The following BCL11A variants were observed in gnomAD, a reference collection of about 807,000 sequenced individuals.
BCL11A encodes B cell CLL/lymphoma 11A.
A neutral mutation model predicts 55.9 loss-of-function variants in BCL11A; 2 were observed. The observed-to-expected ratio is 0.04, with a 90% CI of 0.01 to 0.11. The LOEUF (loss-of-function observed/expected upper bound fraction) is 0.11. BCL11A is among the 10% of genes least tolerant of loss of function. The probability of loss-of-function intolerance (pLI) is 1.00; values close to 1 mark genes in which losing one functional copy is unlikely to be tolerated. For synonymous variants in BCL11A, 465 were observed against 473.4 expected, an observed-to-expected ratio of 0.98 and a Z score of 0.23; for missense variants, 817 against 1,137.1, an observed-to-expected ratio of 0.72 and a Z score of 4.05.
chr2:60,457,674 T>G lies in BCL11A; in HGVS notation c.*2730A>C, dbSNP rs1194612363. 71 of 1,035,524 alleles carry G rather than the reference T, an allele frequency of 6.9e-5. No individual in the cohort carries two copies. Among genetic ancestry groups the G allele is most frequent in the Non-Finnish European group, 7.9e-5 (68 of 860,290 alleles). The allele number at this position is 1,035,524 out of a possible 1,614,324, so 64.1% of individuals were successfully genotyped here. Reference sequence around the variant, plus strand: ...GAAAAAAACTGCAAAACATTGGTTTTTTTTTTTTTTTCCTTTTTTTTTCTT... The same window carrying G: ...GAAAAAAACTGCAAAACATTGGTTTGTTTTTTTTTTTCCTTTTTTTTTCTT... On this transcript the variant is annotated 3_prime_UTR_variant, in exon 4 of 4. Coordinates refer to ENST00000642384, the MANE Select transcript of BCL11A (RefSeq NM_022893.4).
chr2:60,539,520 G>A (rs1669826072), intron 2 of BCL11A, among the ~76,000 whole-genome samples: 1 of 152,292 alleles, frequency 6.6e-6, no homozygotes, highest in African/African-American at 2.4e-5. Flanking sequence ...CAGCTGGCCA[G>A]TAAAAAGCAG....
intron 2 of BCL11A, among the ~76,000 whole-genome samples, chr2:60,485,939 G>T (rs998359039): frequency 6.6e-6 from 1 of 152,184 alleles, no homozygotes; most frequent in African/African-American, 2.4e-5. Flanking sequence ...GAATGAGATT[G>T]CACATTTTAG....
downstream of BCL11A, among the ~76,000 whole-genome samples, chr2:60,454,610 TA>T (rs1262850621): frequency 1.3e-5 from 2 of 152,100 alleles, no homozygotes; most frequent in Non-Finnish European, 2.9e-5. Context: ...AAAAGAGGCT[TA>T]AAACAAGAAA....
intron 2 of BCL11A, among the ~76,000 whole-genome samples, chr2:60,501,245 T>C (rs1679260169): frequency 6.6e-6 from 1 of 152,228 alleles, no homozygotes; most frequent in South Asian, 2.1e-4. Flanking sequence ...TCCAAACCTG[T>C]AGTGCTACTT....
intron 2 of BCL11A, chr2:60,541,937 T>C: frequency 5.7e-6 from 4 of 701,990 alleles, no homozygotes; most frequent in South Asian, 1.6e-5. Context: ...TAGGAGAGAA[T>C]CAGAATGGAT....
chr2:60,526,290 T>A (rs1669197475), intron 2 of BCL11A: 1 of 152,220 alleles, frequency 6.6e-6, no homozygotes, highest in South Asian at 2.1e-4. Flanking sequence ...TTTTAAATAG[T>A]TTTCATCTTT....
At chr2:60,454,040 GAGAA>G (rs1001365856), downstream of BCL11A, among the ~76,000 whole-genome samples, 2 of 152,114 alleles carry the variant, frequency 1.3e-5, no homozygotes, top group South Asian at 2.1e-4. Flanking sequence ...AATAGAGAGA[GAGAA>G]AGAGAGAGAG....
At chr2:60,485,183 T>G (rs1678200948) in intron 2 of BCL11A, among the ~76,000 whole-genome samples, 1 of 152,184 alleles carries the variant, frequency 6.6e-6, no homozygotes. Flanking sequence ...TCACTGCAAA[T>G]AAATGCAGTC....
intron 2 of BCL11A, among the ~76,000 whole-genome samples, chr2:60,492,697 T>C (rs1678710214): frequency 6.6e-6 from 1 of 152,160 alleles, no homozygotes; most frequent in Non-Finnish European, 1.5e-5. Flanking sequence ...CTCATTTCCC[T>C]GAAATGTACT....
Position 60,478,815 on chromosome 2 carries a change from C to T in BCL11A, c.386-9982G>A, listed in dbSNP as rs540102274. Reference sequence around the variant, plus strand: ...GCAAGTCCTTCTTTCAGAAAACAGGCCTCTGCCCGGGGCATGCTGCAGCTG... The same window carrying T: ...GCAAGTCCTTCTTTCAGAAAACAGGTCTCTGCCCGGGGCATGCTGCAGCTG... On this transcript the variant is annotated intron_variant, in intron 2 of 3. Transcript: ENST00000642384. Among the ~76,000 whole-genome samples, 9 of 152,364 alleles carry T rather than the reference C, an allele frequency of 5.9e-5. No individual in the cohort carries two copies. The East Asian group carries it at 7.7e-4, about 13-fold the overall frequency.
rs533392448 is a variant in BCL11A, at chr2:60,553,183, A to G, written c.55+33T>C. 3.2e-6 allele frequency: 5 copies of G among 1,584,682 alleles called. No individual in the cohort carries two copies. In the Admixed American group the frequency reaches 8.6e-5, roughly 27 times the overall value. ...AGTCCTGCGCGCTCTCGTGATTATT[A>G]ATAATTATTATTACTATTATTGGGT... On this transcript the variant is annotated intron_variant, in intron 1 of 3. Transcript: ENST00000642384.
chr2:60,535,344 T>C (rs1227433280), intron 2 of BCL11A: 1 of 152,202 alleles, frequency 6.6e-6, no homozygotes, highest in African/African-American at 2.4e-5. Flanking sequence ...ATAGAGCTTC[T>C]AGTCAAGCCA....
In BCL11A at chr2:60,458,545, C is replaced by T; in HGVS notation, c.*1859G>A. On this transcript the variant is annotated 3_prime_UTR_variant, in exon 4 of 4. Coordinates refer to ENST00000642384, the MANE Select transcript of BCL11A (RefSeq NM_022893.4). ...GTGTATTCTGTTTCCATTCACAGCGCTTGCAATGTTGCGTCCAAGTAAGTA... is the reference window on the plus strand; with the variant it reads ...GTGTATTCTGTTTCCATTCACAGCGTTTGCAATGTTGCGTCCAAGTAAGTA... The T allele has an allele frequency of 9.6e-7, 1 of 1,037,838 alleles. No individual in the cohort carries two copies. Among genetic ancestry groups the T allele is most frequent in the African/African-American group, 1.7e-5 (1 of 59,552 alleles). The allele number at this position is 1,037,838 out of a possible 1,614,324, so 64.3% of individuals were successfully genotyped here. A position where few individuals can be genotyped will look rare whatever the true frequency, so the allele number is the denominator to read the frequency against.
intron 2 of BCL11A, among the ~76,000 whole-genome samples, chr2:60,473,067 G>C (rs1045444601): frequency 6.8e-6 from 1 of 147,394 alleles, no homozygotes. Flanking sequence ...GTGCATGTGT[G>C]TATATTGTGA....
downstream of BCL11A, chr2:60,452,690 G>T: frequency 6.4e-7 from 1 of 1,572,512 alleles, no homozygotes; most frequent in Non-Finnish European, 8.7e-7. Flanking sequence ...GGAGACAGAG[G>T]AGGGGGAAAA....
intron 1 of BCL11A, among the ~76,000 whole-genome samples, chr2:60,548,330 CTTT>C (rs34428551): frequency 5.9e-5 from 8 of 135,072 alleles, no homozygotes; most frequent in Admixed American, 1.5e-4. Context: ...CGTTAAGATT[CTTT>C]TTTTTTTTTT....
chr2:60,479,693 C>G (rs1043713453), intron 2 of BCL11A, among the ~76,000 whole-genome samples: 2 of 152,176 alleles, frequency 1.3e-5, no homozygotes, highest in Admixed American at 6.5e-5. Flanking sequence ...TGCCCCAGCT[C>G]TAATGCAATA....
chr2:60,461,955 A>G lies in BCL11A; in HGVS notation c.957T>C (p.Leu319=). ...TAGACGTGTTCCCTGCCAGCTCTCTAAGTCTCCTAGAGAAATCCATGGCGG... is the reference window on the plus strand; with the variant it reads ...TAGACGTGTTCCCTGCCAGCTCTCTGAGTCTCCTAGAGAAATCCATGGCGG... ...EPPAMDFSRR[L]RELAGNTSSP... The change falls in exon 4 of 4, where the codon CTT becomes CTC. Residue 319 remains leucine (L), a synonymous_variant. Coordinates refer to ENST00000642384, the MANE Select transcript of BCL11A (RefSeq NM_022893.4). 1 of 1,614,046 alleles carries G rather than the reference A, an allele frequency of 6.2e-7. No homozygotes were observed. The highest frequency in any genetic ancestry group is 8.5e-7 in the Non-Finnish European group (1 of 1,180,030).
chr2:60,541,885 C>T (rs748721131), intron 2 of BCL11A: 11 of 697,516 alleles, frequency 1.6e-5, no homozygotes, highest in Non-Finnish European at 2.7e-5. Flanking sequence ...TTTACAATTA[C>T]ACCATAAGGT....
Sources: gnomAD v4.1 joint callset for allele counts (sites outside exome capture counted in the v4.1 genomes callset) on GRCh38, gnomAD v4.1.1 for gene constraint, MANE v1.5 for transcripts, NCBI Gene and HGNC (gene_info 2026-07-23, HGNC 2026-07-21) for gene names.